Variants in TMEM178B observed in about 807,000 individuals in gnomAD.
TMEM178B encodes transmembrane protein 178B.
A neutral mutation model predicts 31.0 loss-of-function variants in TMEM178B; 5 were observed. The ratio of observed to expected loss-of-function variants is 0.16; its 90% CI spans 0.08 to 0.34. TMEM178B has a LOEUF of 0.34. Among genes scored for constraint, TMEM178B ranks in the 10% least tolerant of loss-of-function variants. The pLI is 1.00. For missense variants in TMEM178B, 275 were observed against 400.3 expected, an observed-to-expected ratio of 0.69 and a Z score of 2.67; for synonymous variants, 164 against 164.0, an observed-to-expected ratio of 1.00 and a Z score of 0.00.
chr7:141,238,858 G>T (rs1009577542), intron 2 of TMEM178B, among the ~76,000 whole-genome samples: 10 of 152,214 alleles, frequency 6.6e-5, no homozygotes, highest in African/African-American at 2.4e-4. Context: ...AAATTAATTA[G>T]CCCCCTTGGG....
intron 1 of TMEM178B, among the ~76,000 whole-genome samples, chr7:141,170,623 C>A (rs1049211006): frequency 3.9e-5 from 6 of 152,210 alleles, no homozygotes; most frequent in Non-Finnish European, 1.5e-5. Flanking sequence ...AATTCCCCCC[C>A]ATATCTGCTC....
rs138564037 is a variant in TMEM178B, at chr7:141,163,188, G to A, written c.383-49403G>A. 3.2e-3 allele frequency among the ~76,000 whole-genome samples: 494 copies of A among 152,246 alleles called. 3 individuals are homozygous for A. The highest frequency in any genetic ancestry group is 0.011 in the African/African-American group (463 of 41,528). ...CTGCCTGAGGTGCCTTAGCTAGGGCGGTTCTTCATGTACTTATCCCCCTAC... is the reference window on the plus strand; with the variant it reads ...CTGCCTGAGGTGCCTTAGCTAGGGCAGTTCTTCATGTACTTATCCCCCTAC... On this transcript the variant is annotated intron_variant, in intron 1 of 3. Transcript: ENST00000565468.
chr7:141,334,018 G>C (rs1799340945), intron 2 of TMEM178B, among the ~76,000 whole-genome samples: 1 of 152,212 alleles, frequency 6.6e-6, no homozygotes, highest in South Asian at 2.1e-4. Context: ...CCTGCTCTAA[G>C]GGCCCAGGAA....
At chr7:141,499,464 CAAAAAAA>C in the TMEM178B span, among the ~76,000 whole-genome samples, 420 of 50,714 alleles carry the variant, frequency 8.3e-3, 1 homozygote, top group African/African-American at 0.019. Flanking sequence ...CACATCTCTA[CAAAAAAA>C]AAAAAAAAAA....
chr7:141,442,158 C>T (rs1801672333), intron 3 of TMEM178B, among the ~76,000 whole-genome samples: 2 of 152,146 alleles, frequency 1.3e-5, no homozygotes, highest in South Asian at 4.1e-4. Flanking sequence ...AGTACTGCTT[C>T]GTGGATACGG....
intron 2 of TMEM178B, among the ~76,000 whole-genome samples, chr7:141,258,039 A>C (rs1797955467): frequency 6.6e-6 from 1 of 151,770 alleles, no homozygotes; most frequent in Non-Finnish European, 1.5e-5. Flanking sequence ...TAGAGAGTAC[A>C]TTATGATCTT....
intron 2 of TMEM178B, among the ~76,000 whole-genome samples, chr7:141,348,850 G>A (rs957966923): frequency 2.0e-5 from 3 of 152,268 alleles, no homozygotes; most frequent in South Asian, 2.1e-4. Context: ...GAGCATTAGC[G>A]AGCAGAACTG....
intron 2 of TMEM178B, among the ~76,000 whole-genome samples, chr7:141,216,868 G>A (rs537444709): frequency 6.6e-5 from 10 of 152,138 alleles, no homozygotes; most frequent in African/African-American, 2.2e-4. Flanking sequence ...GAGGTAGAAC[G>A]GCATTTATCC....
intron 2 of TMEM178B, among the ~76,000 whole-genome samples, chr7:141,426,320 A>C (rs1801315350): frequency 6.6e-6 from 1 of 152,196 alleles, no homozygotes; most frequent in African/African-American, 2.4e-5. Context: ...AGACAAAACA[A>C]ACCAAACATG....
At chr7:141,182,047 A>T (rs901027998) in intron 1 of TMEM178B, among the ~76,000 whole-genome samples, 1 of 152,184 alleles carries the variant, frequency 6.6e-6, no homozygotes, top group Non-Finnish European at 1.5e-5. Flanking sequence ...AGCCCTGCTC[A>T]TTCCCAGTGC....
At chr7:141,427,871 T>G (rs1801349712) in intron 2 of TMEM178B, among the ~76,000 whole-genome samples, 1 of 151,958 alleles carries the variant, frequency 6.6e-6, no homozygotes, top group South Asian at 2.1e-4. Context: ...AACAAATAAT[T>G]CAGTTTAAAA....
At chr7:141,288,380 G>T (rs529298832) in intron 2 of TMEM178B, among the ~76,000 whole-genome samples, 2 of 150,616 alleles carry the variant, frequency 1.3e-5, no homozygotes, top group African/African-American at 4.9e-5. Flanking sequence ...CCAGTGCCTC[G>T]CTCCATCCTT....
At chr7:141,187,169 C>T (rs572479446) in intron 1 of TMEM178B, among the ~76,000 whole-genome samples, 1 of 143,698 alleles carries the variant, frequency 7.0e-6, no homozygotes, top group East Asian at 2.1e-4. Context: ...TCAATTCCCA[C>T]CTATGAGTGA....
chr7:141,084,792 A>G (rs1339907960), intron 1 of TMEM178B, among the ~76,000 whole-genome samples: 1 of 152,192 alleles, frequency 6.6e-6, no homozygotes, highest in Non-Finnish European at 1.5e-5. Flanking sequence ...CAGAGATCGT[A>G]TATTCATGAT....
chr7:141,075,732 A>G (rs1667960659), intron 1 of TMEM178B, among the ~76,000 whole-genome samples: 1 of 152,206 alleles, frequency 6.6e-6, no homozygotes, highest in Admixed American at 6.5e-5. Flanking sequence ...TTTAACTATT[A>G]AATGGTGATG....
the TMEM178B span, among the ~76,000 whole-genome samples, chr7:141,487,376 G>A: frequency 1.3e-5 from 2 of 152,038 alleles, no homozygotes; most frequent in Non-Finnish European, 2.9e-5. Flanking sequence ...GTATTAACAC[G>A]TGTTCTCCAT....
In TMEM178B at chr7:141,471,599, T is replaced by C. The variant is rs1207828223; in HGVS notation, c.*813T>C. ...GTGCGTGCATGTGTACTTTGGGCGG[T>C]TTCCTTTTTTTCTTTTCTACCTTTT... On this transcript the variant is annotated 3_prime_UTR_variant, in exon 4 of 4. Transcript: ENST00000565468. The surrounding 1 kb of genome is among the most constrained non-coding windows in gnomAD (Gnocchi z 4.1). 1 of 151,156 alleles carries C rather than the reference T, an allele frequency of 6.6e-6. No individual in the cohort carries two copies. The highest frequency in any genetic ancestry group is 1.5e-5 in the Non-Finnish European group (1 of 67,862). 9.4% of individuals were successfully genotyped at this position (151,156 alleles called of 1,614,324 possible). A position where few individuals can be genotyped will look rare whatever the true frequency, so the allele number is the denominator to read the frequency against.
chr7:141,227,021 C>A (rs1038017149), intron 2 of TMEM178B, among the ~76,000 whole-genome samples: 1 of 152,124 alleles, frequency 6.6e-6, no homozygotes, highest in Non-Finnish European at 1.5e-5. Flanking sequence ...GTTGGAATGA[C>A]TTGCAGGGCT....
At chr7:141,262,710 G>C (rs573992737) in intron 2 of TMEM178B, among the ~76,000 whole-genome samples, 1 of 152,228 alleles carries the variant, frequency 6.6e-6, no homozygotes, top group African/African-American at 2.4e-5. Flanking sequence ...AGCCTGAACA[G>C]TCATTGACGA....
Sources: gnomAD v4.1 joint callset for allele counts (sites outside exome capture counted in the v4.1 genomes callset) on GRCh38, gnomAD v4.1.1 for gene constraint, Gnocchi (gnomAD v3.1) non-coding constraint, MANE v1.5 for transcripts, NCBI Gene and HGNC (gene_info 2026-07-23, HGNC 2026-07-21) for gene names.